TNFRSF21: variants seen among roughly 807,000 people sequenced by gnomAD.
The protein encoded by TNFRSF21 is TNF receptor superfamily member 21.
TNFRSF21 carries 19 observed loss-of-function variants against 45.6 expected under a neutral mutation model. That is an observed-to-expected ratio of 0.42 (90% CI 0.29 to 0.61). The LOEUF (loss-of-function observed/expected upper bound fraction) is 0.61. Among genes scored for constraint, TNFRSF21 ranks in the 20% least tolerant of loss-of-function variants. The pLI, the probability that TNFRSF21 is intolerant of heterozygous loss-of-function variation, is 0.23. For missense variants in TNFRSF21, 737 were observed against 851.5 expected (o/e 0.87, Z 1.67); for synonymous variants, 314 against 335.5 (o/e 0.94, Z 0.70).
At chr6:47,296,299 A>G (rs1448515950) in intron 1 of TNFRSF21, among the ~76,000 whole-genome samples, 5 of 152,202 alleles carry the variant, frequency 3.3e-5, no homozygotes, top group Admixed American at 6.5e-5. Context: ...AACAAAACCT[A>G]TTAATATTTT....
intron 3 of TNFRSF21, among the ~76,000 whole-genome samples, chr6:47,266,772 GAA>G (rs966343879): frequency 6.6e-6 from 1 of 152,192 alleles, no homozygotes; most frequent in Non-Finnish European, 1.5e-5. Context: ...ATTTTAAGAT[GAA>G]AAGAGACATT....
chr6:47,263,858 A>T (rs1156763279), intron 3 of TNFRSF21, among the ~76,000 whole-genome samples: 1 of 152,242 alleles, frequency 6.6e-6, no homozygotes. Context: ...TATGTCTCAC[A>T]ATTAATTGTG....
chr6:47,279,531 C>A (rs916182516), intron 3 of TNFRSF21, among the ~76,000 whole-genome samples: 4 of 152,046 alleles, frequency 2.6e-5, no homozygotes, highest in African/African-American at 7.2e-5. Flanking sequence ...TCTTTTGTGA[C>A]AAAACAGATC....
chr6:47,248,298 G>A (rs762064183), intron 4 of TNFRSF21, among the ~76,000 whole-genome samples: 3 of 152,086 alleles, frequency 2.0e-5, no homozygotes, highest in African/African-American at 4.8e-5. Context: ...TAACCACTCA[G>A]AGTGTGAAGG....
chr6:47,265,050 C>CAACT (rs1471181463), intron 3 of TNFRSF21, among the ~76,000 whole-genome samples: 3 of 152,184 alleles, frequency 2.0e-5, no homozygotes, highest in African/African-American at 7.2e-5. Context: ...TTGGTTGCAG[C>CAACT]AACTGCTGCT....
chr6:47,273,644 G>A (rs1762458068), intron 3 of TNFRSF21, among the ~76,000 whole-genome samples: 1 of 152,176 alleles, frequency 6.6e-6, no homozygotes, highest in East Asian at 1.9e-4. Flanking sequence ...TCACCATAAA[G>A]TTGGAAGTTC....
intron 4 of TNFRSF21, among the ~76,000 whole-genome samples, chr6:47,237,721 A>C (rs1298610918): frequency 2.0e-5 from 3 of 151,170 alleles, no homozygotes; most frequent in Non-Finnish European, 1.5e-5. Context: ...ACTCACACCT[A>C]TTTTTTTTTG....
chr6:47,243,302 A>G (rs745342458), intron 4 of TNFRSF21, among the ~76,000 whole-genome samples: 8 of 152,220 alleles, frequency 5.3e-5, no homozygotes, highest in Non-Finnish European at 4.4e-5. Context: ...ATACCAATAA[A>G]TAAGTATATA....
intron 1 of TNFRSF21, among the ~76,000 whole-genome samples, chr6:47,300,343 C>T (rs888595855): frequency 1.3e-5 from 2 of 152,170 alleles, no homozygotes; most frequent in Non-Finnish European, 2.9e-5. Flanking sequence ...TCCTTCCTAT[C>T]TCGCCATCAG....
At chr6:47,241,543 T>C (rs566140522) in intron 4 of TNFRSF21, among the ~76,000 whole-genome samples, 29 of 152,136 alleles carry the variant, frequency 1.9e-4, no homozygotes, top group Non-Finnish European at 3.1e-4. Context: ...TCTAAATGCT[T>C]GAAAGAAGGA....
intron 3 of TNFRSF21, among the ~76,000 whole-genome samples, chr6:47,278,617 T>C (rs1017314101): frequency 1.3e-5 from 2 of 152,172 alleles, no homozygotes; most frequent in African/African-American, 4.8e-5. Context: ...TAAGACCCAA[T>C]GTCTTCTCTC....
chr6:47,271,391 A>T (rs1762416584), intron 3 of TNFRSF21, among the ~76,000 whole-genome samples: 1 of 151,690 alleles, frequency 6.6e-6, no homozygotes, highest in Non-Finnish European at 1.5e-5. Context: ...TTTTCAATCC[A>T]GAATATCATA....
intron 3 of TNFRSF21, among the ~76,000 whole-genome samples, chr6:47,268,475 C>G (rs867650020): frequency 7.9e-5 from 12 of 152,202 alleles, no homozygotes; most frequent in African/African-American, 2.9e-4. Flanking sequence ...GCTCAAGTCT[C>G]TAAGAGGGTT....
intron 1 of TNFRSF21, among the ~76,000 whole-genome samples, chr6:47,287,622 T>G (rs939767527): frequency 6.6e-6 from 1 of 152,180 alleles, no homozygotes; most frequent in African/African-American, 2.4e-5. Flanking sequence ...CATTTCAAAT[T>G]TATACACATA....
chr6:47,279,225 G>A (rs1272319166), intron 3 of TNFRSF21, among the ~76,000 whole-genome samples: 1 of 152,116 alleles, frequency 6.6e-6, no homozygotes, highest in East Asian at 1.9e-4. Context: ...TAGTTAAAGA[G>A]GGAGGAAGAA....
chr6:47,259,253 G>C (rs1375257053), intron 3 of TNFRSF21, among the ~76,000 whole-genome samples: 1 of 152,192 alleles, frequency 6.6e-6, no homozygotes, highest in Non-Finnish European at 1.5e-5. Flanking sequence ...GCTATGTGTT[G>C]AATTGATCTA....
rs1166139827 is a variant in TNFRSF21 at position 47,283,957 on chromosome 6, G to A, written c.1224C>T (p.Ile408=). 1 of 1,613,724 alleles carries A rather than the reference G, an allele frequency of 6.2e-7. No homozygotes were observed. The highest frequency in any genetic ancestry group is 8.5e-7 in the Non-Finnish European group (1 of 1,179,958). ...MTPTQNREKW[I]YYCNGHGIDI... is the part of the protein sequence containing the mutation. ...GCTCACCATGGCCATTGCAGTAGTA[G>A]ATCCATTTCTCCCGGTTCTGGGTTG... is the stretch of plus-strand genomic sequence containing the variant. The change falls in exon 3 of 6, where the codon ATC becomes ATT. Residue 408 remains isoleucine, a synonymous_variant. Transcript: ENST00000296861.
intron 3 of TNFRSF21, among the ~76,000 whole-genome samples, chr6:47,264,341 G>A (rs976213896): frequency 2.6e-5 from 4 of 152,058 alleles, no homozygotes; most frequent in Admixed American, 6.5e-5. Flanking sequence ...CAGCTTGGCC[G>A]ACATGGCGAA....
chr6:47,284,578 T>A, intron 2 of TNFRSF21, 146 bp from the exon 3 acceptor site: 1 of 1,001,948 alleles, frequency 1.0e-6, no homozygotes, highest in Non-Finnish European at 1.3e-6. Context: ...GTGTTGCACA[T>A]TTTCATAAAG....
Sources: gnomAD v4.1 joint callset for allele counts (sites outside exome capture counted in the v4.1 genomes callset) on GRCh38, gnomAD v4.1.1 for gene constraint, MANE v1.5 for transcripts, NCBI Gene and HGNC (gene_info 2026-07-23, HGNC 2026-07-21) for gene names.